The following ARMC10 variants were observed in gnomAD, a reference collection of about 807,000 sequenced individuals.
ARMC10 encodes armadillo repeat containing 10.
In ARMC10, 23 loss-of-function variants were observed where a neutral mutation model predicts 30.2. The ratio of observed to expected loss-of-function variants is 0.76; its 90% CI spans 0.55 to 1.08. The LOEUF (loss-of-function observed/expected upper bound fraction) is 1.08, where lower values mean the gene tolerates loss of function less well. Ranked by LOEUF, ARMC10 falls within the 50% of genes least tolerant of loss-of-function variation. The probability of loss-of-function intolerance (pLI) is 0.00; values close to 1 mark genes in which losing one functional copy is unlikely to be tolerated. For synonymous variants in ARMC10, 111 were observed against 164.4 expected (o/e 0.68, Z 2.48); for missense variants, 303 against 413.7 (o/e 0.73, Z 2.32).
At chr7:103,091,393 A>G (rs1801310700) in intron 4 of ARMC10, among the ~76,000 whole-genome samples, 1 of 152,182 alleles carries the variant, frequency 6.6e-6, no homozygotes, top group Non-Finnish European at 1.5e-5. Context: ...AGTTTCCATC[A>G]CACTGAGTTT....
rs182125371 is a variant in ARMC10, at chr7:103,077,038, A to G, written c.244+1157A>G. On this transcript the variant is annotated intron_variant, in intron 2 of 6. Coordinates refer to ENST00000323716, the MANE Select transcript of ARMC10 (RefSeq NM_031905.5). ...CACCCCACTAAGTAACTAGGACTAC[A>G]GGTGCACACCGACACCTGGCTAATT... Among the ~76,000 whole-genome samples the G allele has an allele frequency of 1.8e-3, 269 of 152,206 alleles. 1 individual carries two copies. The highest frequency in any genetic ancestry group is 6.2e-3 in the African/African-American group (257 of 41,534).
chr7:103,087,953 C>T (rs1563324810), intron 4 of ARMC10: 1 of 190,846 alleles, frequency 5.2e-6, no homozygotes, highest in Admixed American at 6.5e-5. Flanking sequence ...ATATGACCCC[C>T]ATCACACAAA....
chr7:103,083,959 T>A, intron 3 of ARMC10, 129 bp downstream of exon 3: 5 of 1,474,198 alleles, frequency 3.4e-6, no homozygotes, highest in Non-Finnish European at 4.6e-6. Context: ...CTACTTATAC[T>A]TAAAACATAA....
At chr7:103,087,725 G>GT in intron 4 of ARMC10, 2 of 967,464 alleles carry the variant, frequency 2.1e-6, no homozygotes, top group Non-Finnish European at 2.5e-6. Flanking sequence ...GGCAAGATTT[G>GT]TAAGAGGTAA....
intron 5 of ARMC10, among the ~76,000 whole-genome samples, chr7:103,093,125 G>C (rs1203821095): frequency 2.6e-5 from 4 of 152,202 alleles, no homozygotes; most frequent in African/African-American, 9.7e-5. Context: ...ATATTGAGCT[G>C]AATTAAGTAG....
intron 4 of ARMC10, among the ~76,000 whole-genome samples, chr7:103,091,731 C>G (rs1315640906): frequency 6.6e-6 from 1 of 152,174 alleles, no homozygotes; most frequent in Non-Finnish European, 1.5e-5. Flanking sequence ...AGACCGCAGA[C>G]CAGTTGAAAC....
intron 5 of ARMC10, among the ~76,000 whole-genome samples, chr7:103,094,055 A>G (rs1197383502): frequency 1.3e-5 from 2 of 152,230 alleles, no homozygotes; most frequent in African/African-American, 4.8e-5. Context: ...CCAACTTGCA[A>G]ATGAACTTTT....
Position 103,075,380 on chromosome 7 carries a change from C to G in ARMC10, c.108C>G (p.Arg36=). 1.6e-6 allele frequency: 2 copies of G among 1,285,618 alleles called. No individual in the cohort carries two copies. The highest frequency in any genetic ancestry group is 2.0e-6 in the Non-Finnish European group (2 of 1,014,318). The allele number at this position is 1,285,618 out of a possible 1,614,324, so 79.6% of individuals were successfully genotyped here. ...CCCGGGGTCGGCGGCGGGGCGACCG[C>G]GAGCTCGGGATACGCTCTTCGAAGT... ...RLTRGRRRGD[R]ELGIRSSKSA... The change falls in exon 1 of 7, where the codon CGC becomes CGG. Residue 36 remains arginine (R), a synonymous_variant. Transcript: ENST00000323716.
intron 2 of ARMC10, chr7:103,081,958 A>G (rs1163021020): frequency 2.2e-6 from 1 of 456,586 alleles, no homozygotes; most frequent in Admixed American, 2.3e-5. Flanking sequence ...GGTTTCTGCT[A>G]CTAACTACCC....
intron 5 of ARMC10, among the ~76,000 whole-genome samples, chr7:103,095,235 G>A (rs897421546): frequency 1.3e-5 from 2 of 152,070 alleles, no homozygotes; most frequent in African/African-American, 4.8e-5. Flanking sequence ...CTGGGACTTT[G>A]GTCACATGCC....
chr7:103,081,435 A>C (rs977796054), intron 2 of ARMC10, among the ~76,000 whole-genome samples: 1 of 152,192 alleles, frequency 6.6e-6, no homozygotes, highest in African/African-American at 2.4e-5. Context: ...GCAGTGATGC[A>C]ATCTCAGCTT....
chr7:103,075,370 G>C lies in ARMC10; in HGVS notation c.98G>C (p.Arg33Pro). 2 of 1,281,840 alleles carry C rather than the reference G, an allele frequency of 1.6e-6. No homozygotes were observed. The highest frequency in any genetic ancestry group is 3.5e-5 in the South Asian group (1 of 28,526). 79.4% of individuals were successfully genotyped at this position (1,281,840 alleles called of 1,614,324 possible). ...CIYRLTRGRR[R>P]GDRELGIRSS... ...TACAGGCTGACCCGGGGTCGGCGGC[G>C]GGGCGACCGCGAGCTCGGGATACGC... is the stretch of plus-strand genomic sequence containing the variant. The change falls in exon 1 of 7, where the codon CGG becomes CCG. Residue 33 changes from arginine (R) to proline (P), a missense_variant. Transcript: ENST00000323716.
rs758566820 is a variant in ARMC10, at chr7:103,092,602, T to G, written c.654T>G (p.Ser218Arg). Residue 218 changes from serine to arginine, a missense_variant, in exon 5 of 7, where the codon AGT (serine) becomes AGG (arginine). By Grantham distance (110) the Ser-to-Arg change is moderately radical (BLOSUM62 -1). This residue lies in a region of ARMC10 where 170 missense variants were observed against 207.2 expected (regional missense o/e 0.82). Transcript: ENST00000323716. ...ATGACCACCAGCACATGCTTCACAG[T>G]TACATTACAGACCTGTTCCAGGTGT... ...VTNDHQHMLHSYITDLFQVLL... is the reference protein window; with the variant it reads ...VTNDHQHMLHRYITDLFQVLL... The G allele has an allele frequency of 1.2e-6, 2 of 1,607,194 alleles. No individual in the cohort carries two copies. The highest frequency in any genetic ancestry group is 3.3e-5 in the Admixed American group (2 of 59,932).
chr7:103,097,388 T>C (rs752689650), intron 6 of ARMC10, 40 bp downstream of exon 6: 10 of 1,381,614 alleles, frequency 7.2e-6, no homozygotes, highest in African/African-American at 4.3e-5. Context: ...TATACACATA[T>C]ATACATTTGA....
chr7:103,086,796 G>A (rs975363034), intron 4 of ARMC10, 32 bp downstream of exon 4: 2 of 1,586,054 alleles, frequency 1.3e-6, no homozygotes, highest in African/African-American at 1.4e-5. Flanking sequence ...AATGTATAAG[G>A]TTTTCTATAA....
Position 103,082,400 on chromosome 7 carries a change from TA to T in ARMC10, c.245-1281del, listed in dbSNP as rs1307078456. On this transcript the variant is annotated intron_variant, in intron 2 of 6. Transcript: ENST00000323716. Reference sequence around the variant, plus strand: ...TTTAGTTACAGAAATAATACCTGTTTATTGCAAAAAAAAAAAAAAGTACTGT... The same window carrying T: ...TTTAGTTACAGAAATAATACCTGTTTTTGCAAAAAAAAAAAAAAGTACTGT... Among the ~76,000 whole-genome samples the T allele has an allele frequency of 9.6e-4, 51 of 53,316 alleles. 2 individuals are homozygous for T. The highest frequency in any genetic ancestry group is 5.4e-5 in the Non-Finnish European group (1 of 18,548). 35.0% of individuals were successfully genotyped at this position (53,316 alleles called of 152,430 possible). A position where few individuals can be genotyped will look rare whatever the true frequency, so the allele number is the denominator to read the frequency against.
At chr7:103,086,531 C>A in intron 3 of ARMC10, 99 bp from the exon 4 acceptor site, 2 of 1,293,828 alleles carry the variant, frequency 1.5e-6, no homozygotes, top group South Asian at 1.5e-5. Flanking sequence ...TCCAAAAAGC[C>A]GTTGATTTTT....
At chr7:103,082,122 G>A (rs563331821) in intron 2 of ARMC10, among the ~76,000 whole-genome samples, 2 of 152,164 alleles carry the variant, frequency 1.3e-5, no homozygotes, top group East Asian at 1.9e-4. Context: ...TGGGTGAAAC[G>A]CTATTTTATA....
chr7:103,075,903 A>C (rs768210130), intron 2 of ARMC10, 22 bp downstream of exon 2: 13 of 1,533,262 alleles, frequency 8.5e-6, no homozygotes, highest in Non-Finnish European at 8.8e-6. Context: ...GGAAATGGGA[A>C]CAGTTGTCTG....
Sources: allele counts gnomAD v4.1 joint callset (sites outside exome capture counted in the v4.1 genomes callset), GRCh38; gene constraint gnomAD v4.1.1; regional missense constraint gnomAD v4.1.1; transcripts MANE v1.5; gene names NCBI Gene and HGNC (gene_info 2026-07-23, HGNC 2026-07-21).